The following OTUD7B variants were observed in gnomAD, a reference collection of about 807,000 sequenced individuals.
OTUD7B encodes the protein OTU domain-containing protein 7B.
OTUD7B carries 34 observed loss-of-function variants against 82.2 expected under a neutral mutation model. The ratio of observed to expected loss-of-function variants is 0.41; its 90% CI spans 0.31 to 0.55. OTUD7B has a LOEUF of 0.55. Among genes scored for constraint, OTUD7B ranks in the 20% least tolerant of loss-of-function variants. The probability of loss-of-function intolerance (pLI) is 0.20; values close to 1 mark genes in which losing one functional copy is unlikely to be tolerated. For synonymous variants in OTUD7B, 398 were observed against 402.7 expected, an observed-to-expected ratio of 0.99 and a Z score of 0.14; for missense variants, 944 against 1,062.1, an observed-to-expected ratio of 0.89 and a Z score of 1.55.
At chr1:150,047,412 C>T in the OTUD7B span, among the ~76,000 whole-genome samples, 1 of 152,150 alleles carries the variant, frequency 6.6e-6, no homozygotes, top group South Asian at 2.1e-4. Context: ...ATAGAACTTA[C>T]TACCACATGA....
the OTUD7B span, among the ~76,000 whole-genome samples, chr1:150,018,664 G>T: frequency 6.6e-6 from 1 of 152,294 alleles, no homozygotes; most frequent in Admixed American, 6.5e-5. Context: ...TCATGAAGAA[G>T]ACTAGCAGTT....
intron 1 of OTUD7B, among the ~76,000 whole-genome samples, chr1:149,982,342 G>A (rs1174550309): frequency 6.6e-6 from 1 of 151,898 alleles, no homozygotes; most frequent in African/African-American, 2.4e-5. Context: ...CCATACTAGG[G>A]GATGCATTAC....
At position 149,939,117 on chromosome 1, in the gene OTUD7B, A is replaced by C. The variant is rs587605036; in HGVS notation, c.*4740T>G. 11 of 152,218 alleles carry C rather than the reference A, an allele frequency of 7.2e-5. No homozygotes were observed. The highest frequency in any genetic ancestry group is 2.4e-4 in the African/African-American group (10 of 41,498). 9.4% of individuals were successfully genotyped at this position (152,218 alleles called of 1,614,324 possible). On this transcript the variant is annotated 3_prime_UTR_variant, in exon 12 of 12. Coordinates refer to ENST00000581312, the MANE Select transcript of OTUD7B (RefSeq NM_020205.4). ...GGGAAGGGTGGAGAGGCAAGGGGCT[A>C]TATCAGATTTTTCCATTTTCAGAAT...
chr1:150,011,698 G>T (rs1314328919), upstream of OTUD7B, among the ~76,000 whole-genome samples: 1 of 152,108 alleles, frequency 6.6e-6, no homozygotes, highest in African/African-American at 2.4e-5. Flanking sequence ...GCCAACCCCG[G>T]CTATACTCTA....
the OTUD7B span, among the ~76,000 whole-genome samples, chr1:150,065,425 T>C: frequency 2.0e-5 from 3 of 152,204 alleles, no homozygotes; most frequent in East Asian, 1.9e-4. Flanking sequence ...ACTGATTTCT[T>C]GGACCCAGTG....
At chr1:149,976,016 G>T (rs180755824) in intron 2 of OTUD7B, among the ~76,000 whole-genome samples, 178 of 44,970 alleles carry the variant, frequency 4.0e-3, no homozygotes, top group East Asian at 2.0e-3. Context: ...GTGAGACTCT[G>T]TCTCAAAAAG....
chr1:149,986,237 TCA>T (rs34962941), intron 1 of OTUD7B, among the ~76,000 whole-genome samples: 14,646 of 135,790 alleles, frequency 0.11, 688 homozygotes, highest in Non-Finnish European at 0.12. Context: ...TGGTACCCCA[TCA>T]CACACACACA....
chr1:150,024,556 G>A, the OTUD7B span, among the ~76,000 whole-genome samples: 1 of 152,164 alleles, frequency 6.6e-6, no homozygotes, highest in African/African-American at 2.4e-5. Flanking sequence ...TAGGAGTTTA[G>A]CCTAAGATAT....
chr1:150,047,947 T>A, the OTUD7B span: 3 of 21,506 alleles, frequency 1.4e-4, no homozygotes, highest in African/African-American at 6.3e-4. Context: ...AGAGCGAGAC[T>A]ACGTTTAAAA....
In OTUD7B at chr1:149,945,005, G is replaced by A. The variant is rs1647602513; in HGVS notation, c.1384C>T (p.Pro462Ser). The change falls in exon 12 of 12, where the codon CCT (proline) becomes TCT (serine). Residue 462 changes from proline (P) to serine (S), a missense_variant. Around this residue, in one of 3 missense-constraint regions of OTUD7B, gnomAD observed 530 missense variants for 625.6 expected, o/e 0.85. Transcript: ENST00000581312. Reference sequence around the variant, plus strand: ...TCCTTGTCTGAGTCTCCAGACTCAGGAGTGGACCGGGGCTCATCTCCAGCT... The same window carrying A: ...TCCTTGTCTGAGTCTCCAGACTCAGAAGTGGACCGGGGCTCATCTCCAGCT... ...ASAGDEPRST[P>S]ESGDSDKESV... The A allele has an allele frequency of 6.2e-7, 1 of 1,614,164 alleles. No homozygotes were observed. Among genetic ancestry groups the A allele is most frequent in the Non-Finnish European group, 8.5e-7 (1 of 1,180,026 alleles).
the OTUD7B span, among the ~76,000 whole-genome samples, chr1:150,016,277 C>T: frequency 6.6e-6 from 1 of 152,090 alleles, no homozygotes; most frequent in Non-Finnish European, 1.5e-5. Context: ...CCTTAATCTC[C>T]TTTGTAAGAG....
At chr1:150,040,565 T>C in the OTUD7B span, among the ~76,000 whole-genome samples, 1 of 152,206 alleles carries the variant, frequency 6.6e-6, no homozygotes, top group Non-Finnish European at 1.5e-5. Flanking sequence ...GCTTCCCTTA[T>C]TAAGATTTAC....
chr1:150,039,377 TAA>T, the OTUD7B span, among the ~76,000 whole-genome samples: 140 of 77,110 alleles, frequency 1.8e-3, no homozygotes, highest in African/African-American at 5.2e-3. Context: ...CTTCATTTAT[TAA>T]AAAAAAAATT....
chr1:150,036,343 G>A, the OTUD7B span, among the ~76,000 whole-genome samples: 9 of 147,554 alleles, frequency 6.1e-5, no homozygotes, highest in Admixed American at 2.1e-4. Flanking sequence ...TGACTGCAAC[G>A]TCCACCTCCC....
the OTUD7B span, among the ~76,000 whole-genome samples, chr1:150,021,498 T>G: frequency 6.6e-6 from 1 of 152,160 alleles, no homozygotes; most frequent in Non-Finnish European, 1.5e-5. Flanking sequence ...AAATAGGAGA[T>G]GAAGTCAGAG....
chr1:149,967,600 T>C, intron 3 of OTUD7B, 79 bp from the exon 4 acceptor site: 2 of 1,094,376 alleles, frequency 1.8e-6, no homozygotes, highest in Admixed American at 5.3e-5. Flanking sequence ...GATAGTTACC[T>C]CTCAACAGGG....
chr1:150,059,183 A>AGCTGGGATT, the OTUD7B span, among the ~76,000 whole-genome samples: 1 of 145,270 alleles, frequency 6.9e-6, no homozygotes, highest in Non-Finnish European at 1.5e-5. Context: ...CCTCCTGAGT[A>AGCTGGGATT]GCTGGGATTA....
the OTUD7B span, among the ~76,000 whole-genome samples, chr1:150,059,903 T>C: frequency 6.6e-6 from 1 of 152,138 alleles, no homozygotes; most frequent in Non-Finnish European, 1.5e-5. Flanking sequence ...TTCAGACCAA[T>C]ATGAATTACA....
At chr1:150,013,223 T>G (rs960514190), upstream of OTUD7B, among the ~76,000 whole-genome samples, 3 of 152,224 alleles carry the variant, frequency 2.0e-5, no homozygotes, top group Non-Finnish European at 2.9e-5. Flanking sequence ...ACCCTAGAGA[T>G]CTGTTTTTGT....
Sources: allele counts gnomAD v4.1 joint callset (sites outside exome capture counted in the v4.1 genomes callset), GRCh38; gene constraint gnomAD v4.1.1; regional missense constraint gnomAD v4.1.1; transcripts MANE v1.5; gene names NCBI Gene and HGNC (gene_info 2026-07-23, HGNC 2026-07-21).